Variants in RFX3 observed in about 807,000 individuals in gnomAD.
RFX3 encodes the protein transcription factor RFX3.
A neutral mutation model predicts 98.6 loss-of-function variants in RFX3; 14 were observed. The ratio of observed to expected loss-of-function variants is 0.14; its 90% CI spans 0.09 to 0.22. The LOEUF is 0.22. Among genes scored for constraint, RFX3 ranks in the 10% least tolerant of loss-of-function variants. The pLI is 1.00. For missense variants in RFX3, 639 were observed against 926.9 expected (o/e 0.69, Z 4.03); for synonymous variants, 383 against 328.4 (o/e 1.17, Z -1.80).
At position 3,270,319 on chromosome 9, in the gene RFX3, G is replaced by A. The variant is rs1376713869; in HGVS notation, c.1357+52C>T. On this transcript the variant is annotated intron_variant, in intron 11 of 16. Coordinates refer to ENST00000617270, the MANE Select transcript of RFX3 (RefSeq NM_001282116.2). ...GCAATGTCACTTCTCAAAACTTCCTGGGTGGAATGTATGAGAACAAAAGCA... is the reference window on the plus strand; with the variant it reads ...GCAATGTCACTTCTCAAAACTTCCTAGGTGGAATGTATGAGAACAAAAGCA... 5.2e-6 allele frequency: 8 copies of A among 1,527,546 alleles called. No homozygotes were observed. In the African/African-American group the frequency reaches 9.7e-5, roughly 19 times the overall value. 94.6% of individuals were successfully genotyped at this position (1,527,546 alleles called of 1,614,324 possible). A position where few individuals can be genotyped will look rare whatever the true frequency, so the allele number is the denominator to read the frequency against.
Position 3,270,465 on chromosome 9 carries a change from A to G in RFX3, c.1263T>C (p.His421=). Residue 421 remains histidine, a synonymous_variant, in exon 11 of 17, where the codon CAT becomes CAC. Transcript: ENST00000617270. ...PKAKLITLCK[H]ESILKWMCNC... ...TACACATCCATTTCAGGATAGACTCATGTTTGCACAGAGTTATCAGCTTTG... is the reference window on the plus strand; with the variant it reads ...TACACATCCATTTCAGGATAGACTCGTGTTTGCACAGAGTTATCAGCTTTG... 1 of 1,613,500 alleles carries G rather than the reference A, an allele frequency of 6.2e-7. No homozygotes were observed. The highest frequency in any genetic ancestry group is 8.5e-7 in the Non-Finnish European group (1 of 1,179,520).
chr9:3,467,044 A>AT (rs1023128995), intron 1 of RFX3, among the ~76,000 whole-genome samples: 20 of 144,632 alleles, frequency 1.4e-4, no homozygotes, highest in Non-Finnish European at 2.4e-4. Context: ...ATATATATAT[A>AT]TATGTATATA....
intron 1 of RFX3, among the ~76,000 whole-genome samples, chr9:3,518,303 CT>C (rs752694547): frequency 6.6e-5 from 10 of 152,176 alleles, no homozygotes; most frequent in Non-Finnish European, 4.4e-5. Flanking sequence ...CCAAAAGTTC[CT>C]TTTAAATCTG....
At chr9:3,486,626 A>G (rs977812597) in intron 1 of RFX3, among the ~76,000 whole-genome samples, 1 of 152,216 alleles carries the variant, frequency 6.6e-6, no homozygotes, top group Non-Finnish European at 1.5e-5. Flanking sequence ...CTAAATGCTC[A>G]AAGACCAAGT....
At chr9:3,407,205 C>T (rs1440016450) in intron 1 of RFX3, among the ~76,000 whole-genome samples, 1 of 152,124 alleles carries the variant, frequency 6.6e-6, no homozygotes, top group Admixed American at 6.6e-5. Context: ...AGCTTGGTAA[C>T]ATTCAACTGA....
intron 15 of RFX3, among the ~76,000 whole-genome samples, chr9:3,240,906 T>C (rs1466762478): frequency 6.6e-6 from 1 of 152,184 alleles, no homozygotes. Flanking sequence ...GGAATCTTTT[T>C]CTCTGGTTGG....
chr9:3,312,498 A>G (rs1242250219), intron 4 of RFX3, among the ~76,000 whole-genome samples: 1 of 152,098 alleles, frequency 6.6e-6, no homozygotes, highest in African/African-American at 2.4e-5. Context: ...ATATGCAAAT[A>G]CATTACTTCC....
At chr9:3,519,987 G>A (rs1223302290) in intron 1 of RFX3, among the ~76,000 whole-genome samples, 4 of 152,162 alleles carry the variant, frequency 2.6e-5, no homozygotes, top group Non-Finnish European at 4.4e-5. Flanking sequence ...GCAACAGCCT[G>A]TAGTCCTAGC....
At chr9:3,287,856 T>C (rs1374757683) in intron 7 of RFX3, among the ~76,000 whole-genome samples, 1 of 152,020 alleles carries the variant, frequency 6.6e-6, no homozygotes, top group Non-Finnish European at 1.5e-5. Flanking sequence ...TGCTTGGGTA[T>C]GCTCCTTATG....
chr9:3,246,950 C>G (rs1240634230), intron 15 of RFX3: 6 of 566,564 alleles, frequency 1.1e-5, no homozygotes, highest in Non-Finnish European at 1.1e-5. Context: ...TTTATTTATA[C>G]TAGAATATTA....
chr9:3,497,448 TAG>T (rs949574301), intron 1 of RFX3, among the ~76,000 whole-genome samples: 2 of 151,910 alleles, frequency 1.3e-5, no homozygotes, highest in African/African-American at 4.8e-5. Context: ...TTCCAAAAAT[TAG>T]AGTTTTTGCC....
Position 3,222,997 on chromosome 9 carries a change from C to T in RFX3, c.*2045G>A, listed in dbSNP as rs991094373. On this transcript the variant is annotated 3_prime_UTR_variant, in exon 17 of 17. Coordinates refer to ENST00000617270, the MANE Select transcript of RFX3 (RefSeq NM_001282116.2). ...ATTAAGCAACAACAGCTTAAATACA[C>T]TGTGTATTACCCGATAAGCCATTTG... is the stretch of plus-strand genomic sequence containing the variant. The T allele has an allele frequency of 1.3e-5, 2 of 152,116 alleles. No individual in the cohort carries two copies. Among genetic ancestry groups the T allele is most frequent in the African/African-American group, 4.8e-5 (2 of 41,430 alleles). 9.4% of individuals were successfully genotyped at this position (152,116 alleles called of 1,614,324 possible).
At chr9:3,376,370 A>G (rs1485354243) in intron 2 of RFX3, among the ~76,000 whole-genome samples, 2 of 152,240 alleles carry the variant, frequency 1.3e-5, no homozygotes, top group African/African-American at 4.8e-5. Context: ...CTATGCCCTG[A>G]GAATATACGA....
intron 1 of RFX3, among the ~76,000 whole-genome samples, chr9:3,483,370 T>C (rs1037830888): frequency 2.0e-5 from 3 of 152,216 alleles, no homozygotes; most frequent in African/African-American, 4.8e-5. Flanking sequence ...TTGAGACAGG[T>C]ACCATTTTCT....
chr9:3,478,694 C>T (rs1201645899), intron 1 of RFX3, among the ~76,000 whole-genome samples: 1 of 152,154 alleles, frequency 6.6e-6, no homozygotes, highest in East Asian at 1.9e-4. Context: ...CATTTCCGGG[C>T]ATGTGTACAG....
chr9:3,476,189 C>A (rs896009342), intron 1 of RFX3, among the ~76,000 whole-genome samples: 2 of 149,880 alleles, frequency 1.3e-5, no homozygotes, highest in African/African-American at 2.4e-5. Context: ...ATAATATATA[C>A]ATATAATTCA....
intron 1 of RFX3, among the ~76,000 whole-genome samples, chr9:3,401,936 A>G (rs1300102053): frequency 2.0e-5 from 3 of 152,190 alleles, no homozygotes; most frequent in Admixed American, 1.3e-4. Flanking sequence ...CATTTCTTCA[A>G]CCTGATGGGT....
chr9:3,273,808 T>C (rs996214417), intron 9 of RFX3, among the ~76,000 whole-genome samples: 1 of 146,618 alleles, frequency 6.8e-6, no homozygotes, highest in East Asian at 2.0e-4. Flanking sequence ...GTGGTTGCAG[T>C]GAGCCGAGAT....
At chr9:3,282,990 T>G (rs1054380606) in intron 7 of RFX3, among the ~76,000 whole-genome samples, 1 of 151,812 alleles carries the variant, frequency 6.6e-6, no homozygotes, top group South Asian at 2.1e-4. Flanking sequence ...GGAGCATAAG[T>G]GGTGACTGTT....
Sources: gnomAD v4.1 joint callset for allele counts (sites outside exome capture counted in the v4.1 genomes callset) on GRCh38, gnomAD v4.1.1 for gene constraint, MANE v1.5 for transcripts, NCBI Gene and HGNC (gene_info 2026-07-23, HGNC 2026-07-21) for gene names.